The following MAP7D2 variants were observed in gnomAD, a reference collection of about 807,000 sequenced individuals.
MAP7D2 encodes MAP7 domain containing 2.
In MAP7D2, 33 loss-of-function variants were observed where a neutral mutation model predicts 63.5. The observed-to-expected ratio is 0.52, with a 90% CI of 0.39 to 0.70. MAP7D2 has a LOEUF of 0.70. Ranked by LOEUF, MAP7D2 falls within the 30% of genes least tolerant of loss-of-function variation. The probability of loss-of-function intolerance (pLI) is 0.00; values close to 1 mark genes in which losing one functional copy is unlikely to be tolerated. For missense variants in MAP7D2, 626 were observed against 604.0 expected (o/e 1.04, Z -0.38); for synonymous variants, 224 against 223.7 (o/e 1.00, Z -0.01).
chrX:20,082,553 T>A (rs1359649493), intron 1 of MAP7D2, among the ~76,000 whole-genome samples: 4 of 112,275 alleles, frequency 3.6e-5, no homozygotes, highest in Non-Finnish European at 7.5e-5. Flanking sequence ...AGCCACAACA[T>A]AATTCTTAAA....
chrX:20,116,718 C>A, intron 1 of MAP7D2, 32 bp downstream of exon 1: 1 of 1,141,412 alleles, frequency 8.8e-7, no homozygotes, highest in Non-Finnish European at 1.2e-6. Flanking sequence ...ACCCGAAGCC[C>A]TCGGGCGCCC....
chrX:20,034,156 C>G (rs1380632654), intron 8 of MAP7D2, among the ~76,000 whole-genome samples: 1 of 87,988 alleles, frequency 1.1e-5, no homozygotes, highest in Non-Finnish European at 2.1e-5. Flanking sequence ...ACCTGCCAGG[C>G]AAAGGTTGCT....
intron 8 of MAP7D2, among the ~76,000 whole-genome samples, chrX:20,032,132 C>T (rs1353277348): frequency 1.3e-4 from 15 of 111,661 alleles, no homozygotes; most frequent in Admixed American, 1.1e-3. Context: ...GAAATGATTT[C>T]GAAATTTAAA....
intron 1 of MAP7D2, among the ~76,000 whole-genome samples, chrX:20,094,510 A>ACG (rs1569140568): frequency 0.015 from 135 of 9,012 alleles, 5 homozygotes; most frequent in Admixed American, 0.027. Flanking sequence ...ATATATATAT[A>ACG]TATATGTATA....
intron 1 of MAP7D2, among the ~76,000 whole-genome samples, chrX:20,075,969 T>C (rs934079085): frequency 1.8e-5 from 2 of 111,008 alleles, no homozygotes; most frequent in African/African-American, 6.6e-5. Flanking sequence ...TCCGAGCATT[T>C]TTTTGGGTGG....
chrX:20,046,567 G>A (rs1603371665), intron 6 of MAP7D2, among the ~76,000 whole-genome samples: 3 of 112,294 alleles, frequency 2.7e-5, no homozygotes, highest in South Asian at 3.7e-4. Flanking sequence ...CACTACACAC[G>A]TCAGTAAAGC....
chrX:20,029,531 T>C (rs1291382430), intron 8 of MAP7D2, among the ~76,000 whole-genome samples: 2 of 112,076 alleles, frequency 1.8e-5, no homozygotes, highest in African/African-American at 6.5e-5. Context: ...AATGGTCACA[T>C]GTAGGTTCAG....
At chrX:20,041,009 T>C (rs1403405305) in intron 8 of MAP7D2, among the ~76,000 whole-genome samples, 1 of 111,753 alleles carries the variant, frequency 8.9e-6, no homozygotes, top group East Asian at 2.8e-4. Flanking sequence ...CCTATAATTC[T>C]CATTTCTATA....
At chrX:20,062,317 A>C (rs1339017045) in intron 3 of MAP7D2, among the ~76,000 whole-genome samples, 1 of 111,418 alleles carries the variant, frequency 9.0e-6, no homozygotes, top group Non-Finnish European at 1.9e-5. Flanking sequence ...TTGAACTGGG[A>C]GCAGATGAAG....
At chrX:20,110,348 G>C (rs1157700039) in intron 1 of MAP7D2, among the ~76,000 whole-genome samples, 6 of 109,065 alleles carry the variant, frequency 5.5e-5, no homozygotes, top group African/African-American at 2.0e-4. Flanking sequence ...AATTAGCCGA[G>C]CGTGCTAGTG....
chrX:20,101,899 C>T (rs774030164), intron 1 of MAP7D2, among the ~76,000 whole-genome samples: 1 of 112,593 alleles, frequency 8.9e-6, no homozygotes, highest in Admixed American at 9.4e-5. Context: ...GAACTGTACA[C>T]TTCAAAATTG....
At chrX:20,019,709 T>C (rs1315309729) in intron 10 of MAP7D2, among the ~76,000 whole-genome samples, 1 of 112,263 alleles carries the variant, frequency 8.9e-6, no homozygotes, top group Non-Finnish European at 1.9e-5. Flanking sequence ...TCTTCTTTGA[T>C]CTGATCACAC....
intron 1 of MAP7D2, among the ~76,000 whole-genome samples, chrX:20,083,411 G>A (rs1398693737): frequency 8.9e-6 from 1 of 111,888 alleles, no homozygotes; most frequent in East Asian, 2.8e-4. Flanking sequence ...GTATGCCTGA[G>A]TATGGATGGT....
chrX:20,092,864 T>A (rs1413606452), intron 1 of MAP7D2, among the ~76,000 whole-genome samples: 2 of 112,529 alleles, frequency 1.8e-5, no homozygotes, highest in Non-Finnish European at 3.7e-5. Context: ...GACTATTAAA[T>A]GTTTCTGTTG....
chrX:20,035,151 G>A (rs532309234), intron 8 of MAP7D2, among the ~76,000 whole-genome samples: 1 of 111,900 alleles, frequency 8.9e-6, no homozygotes, highest in Non-Finnish European at 1.9e-5. Flanking sequence ...TCAGCCCTTA[G>A]AAGAGGGCTG....
In MAP7D2 at chrX:20,050,905, A is replaced by G. The variant is rs371315360; in HGVS notation, c.637T>C (p.Ser213Pro). The change falls in exon 6 of 17, where the codon TCG (serine) becomes CCG (proline). Residue 213 changes from serine (S) to proline (P), a missense_variant. Coordinates refer to ENST00000379643, the MANE Select transcript of MAP7D2 (RefSeq NM_001168465.2). ...GACTGTGTGGGTGTCAACAGTCGCG[A>G]AACAAGAATGGCTTCCATTGGACTA... ...HLSPMEAILV[S>P]RLLTPTQSSL... 167 of 1,173,210 alleles carry G rather than the reference A, an allele frequency of 1.4e-4. No homozygotes were observed. Among genetic ancestry groups the G allele is most frequent in the Non-Finnish European group, 1.8e-4 (157 of 876,099 alleles).
At chrX:20,099,964 C>T (rs2066383359) in intron 1 of MAP7D2, among the ~76,000 whole-genome samples, 1 of 111,583 alleles carries the variant, frequency 9.0e-6, no homozygotes, top group African/African-American at 3.3e-5. Flanking sequence ...TGCTCTACTC[C>T]TATTTTTATT....
Position 20,116,873 on chromosome X carries a change from G to C in MAP7D2, c.7C>G (p.Arg3Gly). 1 of 1,132,244 alleles carries C rather than the reference G, an allele frequency of 8.8e-7. No homozygotes were observed. The highest frequency in any genetic ancestry group is 1.8e-5 in the African/African-American group (1 of 54,141). The allele number at this position is 1,132,244 out of a possible 1,213,427, so 93.3% of individuals were successfully genotyped here. ME[R>G]GGGGSGTGSR... is the part of the protein sequence containing the mutation. ...CCCGTCCCGGAGCCGCCGCCGCCGC[G>C]CTCCATCGGGATGCGCCGGCCGCAC... Residue 3 changes from arginine to glycine, a missense_variant, in exon 1 of 17, where the codon CGC (arginine) becomes GGC (glycine). Transcript: ENST00000379643.
At chrX:20,028,322 T>C (rs970534807) in intron 8 of MAP7D2, among the ~76,000 whole-genome samples, 1 of 112,040 alleles carries the variant, frequency 8.9e-6, no homozygotes, top group Non-Finnish European at 1.9e-5. Flanking sequence ...AGATGTTCTT[T>C]ATAGAACTGG....
Sources: allele counts gnomAD v4.1 joint callset (sites outside exome capture counted in the v4.1 genomes callset), GRCh38; gene constraint gnomAD v4.1.1; transcripts MANE v1.5; gene names NCBI Gene and HGNC (gene_info 2026-07-23, HGNC 2026-07-21).